Variants in PM20D2 observed in about 807,000 individuals in gnomAD.
The protein encoded by PM20D2 is xaa-Arg dipeptidase.
In PM20D2, 33 loss-of-function variants were observed where a neutral mutation model predicts 42.9. That is an observed-to-expected ratio of 0.77 (90% CI 0.58 to 1.03). PM20D2 has a LOEUF of 1.03. Among genes scored for constraint, PM20D2 ranks in the 50% least tolerant of loss-of-function variants. The pLI is 0.00. For missense variants in PM20D2, 548 were observed against 557.0 expected, an observed-to-expected ratio of 0.98 and a Z score of 0.16; for synonymous variants, 250 against 228.2, an observed-to-expected ratio of 1.10 and a Z score of -0.86.
Position 89,162,278 on chromosome 6 carries a change from A to C in PM20D2, c.*15A>C, listed in dbSNP as rs746568694. 3.8e-6 allele frequency: 6 copies of C among 1,587,424 alleles called. No individual in the cohort carries two copies. The Admixed American group carries it at 1.1e-4, about 30-fold the overall frequency. ...CAGTAGAATAAAAGACTTAGGGGCC[A>C]CTTATAAATCAAGAAGACGTGATGA... On this transcript the variant is annotated 3_prime_UTR_variant, in exon 7 of 7. Transcript: ENST00000275072.
chr6:89,146,179 G>T lies in PM20D2; in HGVS notation c.35G>T (p.Gly12Val). 1 of 1,533,042 alleles carries T rather than the reference G, an allele frequency of 6.5e-7. No individual in the cohort carries two copies. Among genetic ancestry groups the T allele is most frequent in the Non-Finnish European group, 8.7e-7 (1 of 1,147,678 alleles). The allele number at this position is 1,533,042 out of a possible 1,614,324, so 95.0% of individuals were successfully genotyped here. A position where few individuals can be genotyped will look rare whatever the true frequency, so the allele number is the denominator to read the frequency against. ...GGAGGGGAGCGGCCCGTGGAAGGGG[G>T]CGCGTGCAATGGCCGCTCCGAGCTG... ...RPGGERPVEG[G>V]ACNGRSELEL... Residue 12 changes from glycine to valine, a missense_variant, in exon 1 of 7, where the codon GGC becomes GTC. Around this residue, in one of 3 missense-constraint regions of PM20D2, gnomAD observed 470 missense variants for 464.4 expected, o/e 1.01. Transcript: ENST00000275072.
chr6:89,137,301 T>C, the PM20D2 span, among the ~76,000 whole-genome samples: 1 of 152,164 alleles, frequency 6.6e-6, no homozygotes, highest in African/African-American at 2.4e-5. Flanking sequence ...AGTGGGAGGA[T>C]TCCTTGAGGC....
intron 2 of PM20D2, among the ~76,000 whole-genome samples, chr6:89,152,051 C>T (rs149232596): frequency 1.3e-5 from 2 of 151,628 alleles, no homozygotes; most frequent in African/African-American, 4.8e-5. Flanking sequence ...GCTGTGATCA[C>T]GCCACTGCAC....
chr6:89,132,935 C>T, the PM20D2 span, among the ~76,000 whole-genome samples: 1 of 150,304 alleles, frequency 6.7e-6, no homozygotes, highest in Non-Finnish European at 1.5e-5. Context: ...AAAACTGCTA[C>T]TTAATGGCCA....
chr6:89,141,821 T>C (rs1770316062), upstream of PM20D2, among the ~76,000 whole-genome samples: 1 of 152,146 alleles, frequency 6.6e-6, no homozygotes, highest in Non-Finnish European at 1.5e-5. Context: ...TATTTTACTT[T>C]GAGACAAAAG....
chr6:89,100,391 A>G, the PM20D2 span, among the ~76,000 whole-genome samples: 343 of 152,340 alleles, frequency 2.3e-3, 2 homozygotes, highest in Non-Finnish European at 3.6e-3. Flanking sequence ...CAGCTTTAAC[A>G]ACACCCAAAA....
At chr6:89,140,740 T>C in the PM20D2 span, among the ~76,000 whole-genome samples, 1,212 of 152,214 alleles carry the variant, frequency 8.0e-3, 15 homozygotes, top group African/African-American at 0.028. Flanking sequence ...CCAGGAATAG[T>C]GATGGAGAAC....
upstream of PM20D2, chr6:89,146,020 G>A (rs905351983): frequency 9.7e-6 from 8 of 826,104 alleles, no homozygotes; most frequent in East Asian, 1.0e-4. Flanking sequence ...GGTGCCCTGG[G>A]AGCTGTGTGG....
At chr6:89,158,146 C>T (rs185324251) in intron 4 of PM20D2, among the ~76,000 whole-genome samples, 179 bp from the exon 5 acceptor site, 7 of 152,200 alleles carry the variant, frequency 4.6e-5, no homozygotes, top group African/African-American at 9.6e-5. Context: ...TAGGAACTCT[C>T]GTTATAGAAA....
Position 89,146,283 on chromosome 6 carries a change from A to G in PM20D2, c.139A>G (p.Ser47Gly). Reference protein sequence around the residue: ...RLGALSRAIWSQPELAYEEHH... With the variant: ...RLGALSRAIWGQPELAYEEHH... ...GGGGGCCCTGAGCCGCGCGATCTGG[A>G]GCCAGCCCGAGCTGGCCTACGAGGA... Residue 47 changes from serine (S) to glycine (G), a missense_variant, in exon 1 of 7, where the codon AGC becomes GGC. Ser to Gly is a moderately conservative substitution (Grantham distance 56). This residue lies in a region of PM20D2 where 470 missense variants were observed against 464.4 expected (regional missense o/e 1.01). Transcript: ENST00000275072. 2 of 1,581,300 alleles carry G rather than the reference A, an allele frequency of 1.3e-6. No individual in the cohort carries two copies. Among genetic ancestry groups the G allele is most frequent in the Non-Finnish European group, 8.5e-7 (1 of 1,172,066 alleles).
At chr6:89,126,076 ACT>A in the PM20D2 span, among the ~76,000 whole-genome samples, 2 of 150,148 alleles carry the variant, frequency 1.3e-5, no homozygotes, top group African/African-American at 4.9e-5. Flanking sequence ...ACAGAGTGAA[ACT>A]CTGTCTCAAA....
At chr6:89,151,880 G>T (rs907837137) in intron 2 of PM20D2, among the ~76,000 whole-genome samples, 2 of 151,956 alleles carry the variant, frequency 1.3e-5, no homozygotes, top group Non-Finnish European at 2.9e-5. Flanking sequence ...TTGAGCCCAG[G>T]AGTTCATGAC....
upstream of PM20D2, among the ~76,000 whole-genome samples, chr6:89,141,646 G>C: frequency 6.6e-6 from 1 of 152,092 alleles, no homozygotes; most frequent in South Asian, 2.1e-4. Context: ...GATTACAAGC[G>C]TGAGCCACCA....
chr6:89,152,897 A>G, intron 2 of PM20D2, 146 bp from the exon 3 acceptor site: 1 of 562,226 alleles, frequency 1.8e-6, no homozygotes, highest in Non-Finnish European at 3.0e-6. Context: ...AATAAATTGC[A>G]GTGTTATTAC....
chr6:89,128,422 GTTT>G, the PM20D2 span, among the ~76,000 whole-genome samples: 2,302 of 152,124 alleles, frequency 0.015, 56 homozygotes, highest in African/African-American at 0.051. Flanking sequence ...CTCAAACCCT[GTTT>G]TCTGTTGTTT....
At chr6:89,121,101 G>C in the PM20D2 span, among the ~76,000 whole-genome samples, 1 of 152,022 alleles carries the variant, frequency 6.6e-6, no homozygotes, top group Non-Finnish European at 1.5e-5. Flanking sequence ...TACTTAGCAT[G>C]CATGTATGGA....
the PM20D2 span, among the ~76,000 whole-genome samples, chr6:89,113,554 G>A: frequency 2.0e-5 from 3 of 151,890 alleles, no homozygotes; most frequent in South Asian, 2.1e-4. Flanking sequence ...AGTGATCCAC[G>A]TGCCTCGGCC....
the PM20D2 span, among the ~76,000 whole-genome samples, chr6:89,129,151 T>C: frequency 6.6e-6 from 1 of 151,268 alleles, no homozygotes; most frequent in African/African-American, 2.4e-5. Flanking sequence ...TCCTGCAGAG[T>C]CAGGGGGCTG....
the PM20D2 span, among the ~76,000 whole-genome samples, chr6:89,120,343 C>T: frequency 2.0e-5 from 3 of 152,220 alleles, no homozygotes; most frequent in East Asian, 1.9e-4. Context: ...TCCTCACTTA[C>T]ATCTGCAAAG....
Sources: allele counts gnomAD v4.1 joint callset (sites outside exome capture counted in the v4.1 genomes callset), GRCh38; gene constraint gnomAD v4.1.1; regional missense constraint gnomAD v4.1.1; transcripts MANE v1.5; gene names NCBI Gene and HGNC (gene_info 2026-07-23, HGNC 2026-07-21).